The following LRP1B variants were observed in gnomAD, a reference collection of about 807,000 sequenced individuals.
LRP1B encodes the protein LDL receptor related protein 1B.
Under a neutral mutation model 556.6 loss-of-function variants are expected in LRP1B, and 217 were observed. The ratio of observed to expected loss-of-function variants is 0.39; its 90% CI spans 0.35 to 0.44. LRP1B has a LOEUF of 0.44. Among genes scored for constraint, LRP1B ranks in the 20% least tolerant of loss-of-function variants. The pLI is 1.00. For missense variants in LRP1B, 5,053 were observed against 5,620.8 expected, an observed-to-expected ratio of 0.90 and a Z score of 3.23; for synonymous variants, 2,047 against 1,865.8, an observed-to-expected ratio of 1.10 and a Z score of -2.50.
At chr2:141,306,289 A>G (rs1489365259) in intron 3 of LRP1B, among the ~76,000 whole-genome samples, 2 of 151,974 alleles carry the variant, frequency 1.3e-5, no homozygotes, top group Admixed American at 1.3e-4. Flanking sequence ...ACTTTTTTTA[A>G]TTACTGTTTC....
intron 43 of LRP1B, among the ~76,000 whole-genome samples, chr2:140,557,802 C>T (rs753222446): frequency 3.9e-5 from 6 of 152,118 alleles, no homozygotes; most frequent in Admixed American, 1.3e-4. Context: ...CTTGAGTTCC[C>T]TATTGCAGCT....
At chr2:142,003,958 C>T (rs972308567) in intron 1 of LRP1B, among the ~76,000 whole-genome samples, 4 of 152,130 alleles carry the variant, frequency 2.6e-5, no homozygotes, top group African/African-American at 9.7e-5. Context: ...AATAGCATAA[C>T]AATTGCTAGA....
chr2:141,115,649 G>T (rs917669363), intron 7 of LRP1B, among the ~76,000 whole-genome samples: 3 of 123,038 alleles, frequency 2.4e-5, no homozygotes, highest in African/African-American at 8.3e-5. Context: ...GTGTGTGTGT[G>T]TGTGTGTGTT....
At chr2:142,127,433 C>G (rs1211580326) in intron 1 of LRP1B, among the ~76,000 whole-genome samples, 1 of 151,828 alleles carries the variant, frequency 6.6e-6, no homozygotes, top group African/African-American at 2.4e-5. Flanking sequence ...TTATCTTCAG[C>G]TTTCTCTTAA....
At chr2:140,784,711 G>T (rs1223874139) in intron 32 of LRP1B, among the ~76,000 whole-genome samples, 1 of 115,934 alleles carries the variant, frequency 8.6e-6, no homozygotes, top group African/African-American at 3.0e-5. Context: ...GCTAGAGGAG[G>T]TTATAATGAA....
intron 2 of LRP1B, among the ~76,000 whole-genome samples, chr2:141,556,695 A>G (rs930559351): frequency 2.0e-5 from 3 of 151,918 alleles, no homozygotes; most frequent in Admixed American, 1.3e-4. Context: ...ATGAGAGTTT[A>G]AATCAGGTAA....
chr2:141,582,922 G>A (rs1176692623), intron 2 of LRP1B, among the ~76,000 whole-genome samples: 3 of 123,300 alleles, frequency 2.4e-5, no homozygotes, highest in Non-Finnish European at 3.2e-5. Flanking sequence ...TGCAACCTCC[G>A]CCTCCTGGGT....
chr2:141,193,296 A>G (rs779379224), intron 6 of LRP1B, among the ~76,000 whole-genome samples: 3 of 152,118 alleles, frequency 2.0e-5, no homozygotes, highest in Middle Eastern at 3.4e-3. Flanking sequence ...TGTTTAACAC[A>G]GCACTATAAG....
At chr2:140,399,164 TACACACACAC>T (rs67690255) in intron 66 of LRP1B, among the ~76,000 whole-genome samples, 2 of 122,412 alleles carry the variant, frequency 1.6e-5, no homozygotes, top group African/African-American at 6.6e-5. Context: ...AAGACCAAGA[TACACACACAC>T]ACACACACAC....
intron 35 of LRP1B, among the ~76,000 whole-genome samples, chr2:140,764,113 C>T (rs982254982): frequency 5.3e-5 from 8 of 151,992 alleles, no homozygotes; most frequent in African/African-American, 1.2e-4. Flanking sequence ...GTGACAAAGT[C>T]GTTACTAGAA....
intron 2 of LRP1B, among the ~76,000 whole-genome samples, chr2:141,783,486 A>G (rs1480700004): frequency 6.6e-6 from 1 of 152,078 alleles, no homozygotes; most frequent in Non-Finnish European, 1.5e-5. Context: ...AACAAGTTTC[A>G]CATGCTGAAT....
intron 31 of LRP1B, among the ~76,000 whole-genome samples, chr2:140,835,615 G>A (rs888165963): frequency 1.3e-5 from 2 of 152,152 alleles, no homozygotes; most frequent in African/African-American, 4.8e-5. Context: ...TTGGCTTACT[G>A]CAACCTCCGC....
In LRP1B at chr2:141,799,830, G is replaced by GTGTGTGTT. The variant is rs542042686; in HGVS notation, c.205+10448_205+10449insAACACACA. 1.7e-3 allele frequency among the ~76,000 whole-genome samples: 261 copies of GTGTGTGTT among 151,794 alleles called. 1 individual carries two copies. The highest frequency in any genetic ancestry group is 6.2e-3 in the African/African-American group (255 of 41,360). On this transcript the variant is annotated intron_variant, in intron 2 of 90. Coordinates refer to ENST00000389484, the MANE Select transcript of LRP1B (RefSeq NM_018557.3). ...TGTCTGTGTGTGTGTGTGTGTGTGT[G>GTGTGTGTT]TATGACAGAGAGAGAGGCTAAGATA...
intron 79 of LRP1B, among the ~76,000 whole-genome samples, chr2:140,334,221 C>A (rs1449566022): frequency 6.6e-6 from 1 of 151,978 alleles, no homozygotes; most frequent in Non-Finnish European, 1.5e-5. Context: ...AATAGCCTTA[C>A]AACTTAGGCA....
At position 140,520,880 on chromosome 2, in the gene LRP1B, T is replaced by TA. The variant is rs556406574; in HGVS notation, c.8027-3870dup. 2.5e-4 allele frequency among the ~76,000 whole-genome samples: 36 copies of TA among 146,062 alleles called. 2 individuals carry two copies. Among genetic ancestry groups the TA allele is most frequent in the Admixed American group, 2.1e-3 (30 of 14,618 alleles). On this transcript the variant is annotated intron_variant, in intron 49 of 90. Coordinates refer to ENST00000389484, the MANE Select transcript of LRP1B (RefSeq NM_018557.3). The stretch of plus-strand genomic sequence containing the variant: ...AAGAACTAAACAGAACTTTTGGAAT[T>TA]AAAAAAAATCACTGCAGAATTTCAA...
chr2:140,950,170 T>A, intron 20 of LRP1B, 65 bp downstream of exon 20: 1 of 1,186,352 alleles, frequency 8.4e-7, no homozygotes, highest in Non-Finnish European at 1.2e-6. Context: ...CTCTCTGTAA[T>A]ACCCTAAGTA....
chr2:141,139,526 A>C lies in LRP1B; in HGVS notation c.1013+48895T>G, dbSNP rs189135190. On this transcript the variant is annotated intron_variant, in intron 7 of 90. Coordinates refer to ENST00000389484, the MANE Select transcript of LRP1B (RefSeq NM_018557.3). ...CAATAAGAAAAAAAAATTATCCTAC[A>C]CAAAAAGGGCAAAGGCCAAAAAGGG... 7.6e-4 allele frequency among the ~76,000 whole-genome samples: 115 copies of C among 152,038 alleles called. 1 individual carries two copies. The highest frequency in any genetic ancestry group is 1.2e-3 in the Non-Finnish European group (81 of 67,874).
In LRP1B at chr2:140,513,803, G is replaced by A. The variant is rs142412511; in HGVS notation, c.8269+850C>T. 5.0e-3 allele frequency among the ~76,000 whole-genome samples: 756 copies of A among 151,878 alleles called. 5 individuals are homozygous for A. Among genetic ancestry groups the A allele is most frequent in the African/African-American group, 0.018 (729 of 41,454 alleles). Reference sequence around the variant, plus strand: ...TACATACACCTTATTCTATGACTTGGGTCCTTCTCTTCCTAAAAGAGGATG... The same window carrying A: ...TACATACACCTTATTCTATGACTTGAGTCCTTCTCTTCCTAAAAGAGGATG... On this transcript the variant is annotated intron_variant, in intron 51 of 90. Transcript: ENST00000389484.
intron 37 of LRP1B, among the ~76,000 whole-genome samples, chr2:140,705,538 A>C (rs1179971855): frequency 2.7e-4 from 9 of 33,156 alleles, no homozygotes; most frequent in African/African-American, 5.3e-4. Flanking sequence ...AAAAAAAAAA[A>C]AAAAAAAAAA....
Sources: gnomAD v4.1 joint callset for allele counts (sites outside exome capture counted in the v4.1 genomes callset) on GRCh38, gnomAD v4.1.1 for gene constraint, MANE v1.5 for transcripts, NCBI Gene and HGNC (gene_info 2026-07-23, HGNC 2026-07-21) for gene names.